Variants in ANKHD1 observed in about 807,000 individuals in gnomAD.
ANKHD1 encodes ankyrin repeat and KH domain-containing protein 1.
Under a neutral mutation model 230.5 loss-of-function variants are expected in ANKHD1, and 31 were observed. The observed-to-expected ratio is 0.13, with a 90% CI of 0.10 to 0.18. The LOEUF is 0.18. ANKHD1 is among the 10% of genes least tolerant of loss of function. The probability of loss-of-function intolerance (pLI) is 1.00; values close to 1 mark genes in which losing one functional copy is unlikely to be tolerated. For missense variants in ANKHD1, 2,256 were observed against 3,071.3 expected (o/e 0.73, Z 6.27); for synonymous variants, 1,074 against 1,117.6 (o/e 0.96, Z 0.78).
chr5:140,475,126 A>G (rs753480790), intron 10 of ANKHD1, among the ~76,000 whole-genome samples: 8 of 152,198 alleles, frequency 5.3e-5, no homozygotes, highest in Non-Finnish European at 1.0e-4. Context: ...AGTTCTTTTC[A>G]GCTCTCTCCA....
intron 1 of ANKHD1, among the ~76,000 whole-genome samples, chr5:140,428,282 G>A (rs866555801): frequency 3.3e-5 from 5 of 152,364 alleles, no homozygotes; most frequent in Admixed American, 1.3e-4. Flanking sequence ...GGCCAAGGCA[G>A]GCTGCTGGGA....
In ANKHD1 at chr5:140,490,795, C is replaced by G. The variant is rs144287819; in HGVS notation, c.2245+3735C>G. Among the ~76,000 whole-genome samples the G allele has an allele frequency of 8.1e-4, 123 of 151,944 alleles. 2 individuals carry two copies. The East Asian group carries it at 0.019, about 24-fold the overall frequency. ...CTCAAGCCCTCCTGAGGAGTAATTTCCTTTTCTCTGAAATTCTAGAGTACT... is the reference window on the plus strand; with the variant it reads ...CTCAAGCCCTCCTGAGGAGTAATTTGCTTTTCTCTGAAATTCTAGAGTACT... On this transcript the variant is annotated intron_variant, in intron 14 of 33. Transcript: ENST00000360839.
In ANKHD1 at chr5:140,445,805, A is replaced by G. The variant is rs1774238325; in HGVS notation, c.977A>G (p.Asn326Ser). Reference sequence around the variant, plus strand: ...GTTGACATTGTTAAAGTGCTCCTTAATGAAGGTGCAAATATAGAAGATCAT... The same window carrying G: ...GTTGACATTGTTAAAGTGCTCCTTAGTGAAGGTGCAAATATAGAAGATCAT... The part of the protein sequence containing the change: ...GFVDIVKVLL[N>S]EGANIEDHNE... The change falls in exon 6 of 34, where the codon AAT becomes AGT. Residue 326 changes from asparagine to serine, a missense_variant. This residue lies in a region of ANKHD1 where 206 missense variants were observed against 304.5 expected (regional missense o/e 0.68). Transcript: ENST00000360839. The G allele has an allele frequency of 6.2e-6, 10 of 1,613,334 alleles. No homozygotes were observed. The East Asian group carries it at 1.8e-4, about 29-fold the overall frequency.
chr5:140,503,461 G>A (rs1752390863), intron 15 of ANKHD1, among the ~76,000 whole-genome samples: 1 of 145,442 alleles, frequency 6.9e-6, no homozygotes, highest in African/African-American at 2.6e-5. Flanking sequence ...GATAGGTCCT[G>A]TTTCCCCCCG....
At chr5:140,472,686 T>G (rs1206085089) in intron 10 of ANKHD1, among the ~76,000 whole-genome samples, 2 of 152,014 alleles carry the variant, frequency 1.3e-5, no homozygotes, top group Non-Finnish European at 2.9e-5. Context: ...TATATTGGAT[T>G]GTTTTAAAAA....
intron 10 of ANKHD1, among the ~76,000 whole-genome samples, chr5:140,471,268 A>T (rs140701297): frequency 4.6e-5 from 7 of 152,300 alleles, no homozygotes; most frequent in South Asian, 2.1e-4. Context: ...TTAAGTAAAG[A>T]TTCCCTGTTC....
chr5:140,449,667 A>G (rs1158584948), intron 7 of ANKHD1, among the ~76,000 whole-genome samples: 1 of 152,156 alleles, frequency 6.6e-6, no homozygotes, highest in East Asian at 1.9e-4. Context: ...GTCTCAAAAA[A>G]AAAAAAAAAA....
intron 29 of ANKHD1, among the ~76,000 whole-genome samples, chr5:140,530,651 G>A (rs939875457): frequency 6.6e-6 from 1 of 152,230 alleles, no homozygotes; most frequent in African/African-American, 2.4e-5. Flanking sequence ...ACAGATCTGA[G>A]GTCAGTTTTG....
Position 140,505,848 on chromosome 5 carries a change from A to T in ANKHD1, c.3387A>T (p.Ala1129=). ...ERTKDTPLSL[A]CSGGRQEVVD... is the part of the protein sequence containing the mutation. ...CTAAGGATACTCCGCTTTCATTGGC[A>T]TGTTCTGGTGGACGTCAGGAGGTGT... The change falls in exon 18 of 34, where the codon GCA becomes GCT. Residue 1129 remains alanine (A), a synonymous_variant. Coordinates refer to ENST00000360839, the MANE Select transcript of ANKHD1 (RefSeq NM_017747.3). 6.3e-7 allele frequency: 1 copy of T among 1,598,662 alleles called. No individual in the cohort carries two copies. The highest frequency in any genetic ancestry group is 8.5e-7 in the Non-Finnish European group (1 of 1,175,372).
chr5:140,528,832 G>T lies in ANKHD1; in HGVS notation c.5886G>T (p.Leu1962Phe), dbSNP rs767708195. The T allele has an allele frequency of 1.6e-5, 26 of 1,614,024 alleles. No homozygotes were observed. The African/African-American group carries it at 3.1e-4, about 19-fold the overall frequency. The part of the protein sequence containing the change: ...TRTPSSVRKQ[L>F]FACVPKTSPP... ...CTCCTTCATCAGTCAGAAAGCAGTT[G>T]TTTGCCTGTGTGCCTAAGACAAGTC... The change falls in exon 29 of 34, where the codon TTG becomes TTT. Residue 1962 changes from leucine to phenylalanine, a missense_variant. Physicochemically the swap from Leu to Phe is conservative, Grantham distance 22 (BLOSUM62 0). Around this residue, in one of 13 missense-constraint regions of ANKHD1, gnomAD observed 778 missense variants for 966.5 expected, o/e 0.80. Coordinates refer to ENST00000360839, the MANE Select transcript of ANKHD1 (RefSeq NM_017747.3).
chr5:140,538,722 C>G (rs1215118974), intron 32 of ANKHD1, among the ~76,000 whole-genome samples, 197 bp from the exon 33 acceptor site: 4 of 152,136 alleles, frequency 2.6e-5, no homozygotes, highest in Non-Finnish European at 5.9e-5. Flanking sequence ...CTTTCTCTCT[C>G]TTGTTTTTTG....
At position 140,528,604 on chromosome 5, in the gene ANKHD1, C is replaced by T; in HGVS notation, c.5658C>T (p.Asn1886=). Residue 1886 remains asparagine, a synonymous_variant, in exon 29 of 34, where the codon AAC becomes AAT. Coordinates refer to ENST00000360839, the MANE Select transcript of ANKHD1 (RefSeq NM_017747.3). ...GAGGAACCTTCTCACCTTCTCCTAACACATGGGGACCATTCCCAGTGAGAC... is the reference window on the plus strand; with the variant it reads ...GAGGAACCTTCTCACCTTCTCCTAATACATGGGGACCATTCCCAGTGAGAC... ...QFGGTFSPSP[N]TWGPFPVRPV... is the part of the protein sequence containing the mutation. 1 of 1,614,194 alleles carries T rather than the reference C, an allele frequency of 6.2e-7. No homozygotes were observed. The highest frequency in any genetic ancestry group is 1.1e-5 in the South Asian group (1 of 91,080).
chr5:140,538,025 G>T (rs1192154957), intron 31 of ANKHD1, 61 bp from the exon 32 acceptor site: 3 of 1,547,216 alleles, frequency 1.9e-6, no homozygotes, highest in Non-Finnish European at 1.7e-6. Flanking sequence ...AATAACAATG[G>T]TAATGTTTTG....
chr5:140,513,347 C>A lies in ANKHD1; in HGVS notation c.4201-16C>A. ...TCTTTCATTATATATTTACATAATTCTATTTCCTGCTGTAGGAACTGTTGA... is the reference window on the plus strand; with the variant it reads ...TCTTTCATTATATATTTACATAATTATATTTCCTGCTGTAGGAACTGTTGA... On this transcript the variant is annotated splice_polypyrimidine_tract_variant and intron_variant, in intron 23 of 33. Transcript: ENST00000360839. 6.3e-7 allele frequency: 1 copy of A among 1,597,262 alleles called. No individual in the cohort carries two copies. Among genetic ancestry groups the A allele is most frequent in the South Asian group, 1.1e-5 (1 of 87,622 alleles).
At chr5:140,473,723 C>T (rs1242181769) in intron 10 of ANKHD1, among the ~76,000 whole-genome samples, 2 of 152,184 alleles carry the variant, frequency 1.3e-5, no homozygotes, top group African/African-American at 4.8e-5. Flanking sequence ...ATGTGAGCTT[C>T]TACTCAGTTT....
rs1050423958 is a variant in ANKHD1 at position 140,468,454 on chromosome 5, A to G, written c.1782+3678A>G. ...AACTAGGTAATTTAGACATGGGTAC[A>G]TTAGTACTCTGTAGTTCTTCTTCCT... On this transcript the variant is annotated intron_variant, in intron 10 of 33. Transcript: ENST00000360839. Among the ~76,000 whole-genome samples the G allele has an allele frequency of 1.3e-5, 2 of 152,116 alleles. 1 individual carries two copies. The highest frequency in any genetic ancestry group is 2.9e-5 in the Non-Finnish European group (2 of 68,022).
chr5:140,509,573 T>C (rs1293555449), intron 20 of ANKHD1, 64 bp from the exon 21 acceptor site: 1 of 1,428,348 alleles, frequency 7.0e-7, no homozygotes, highest in Non-Finnish European at 9.2e-7. Flanking sequence ...TAGCTTAGTT[T>C]TGGTCTACGG....
intron 10 of ANKHD1, among the ~76,000 whole-genome samples, chr5:140,475,315 G>A (rs1171409670): frequency 6.6e-6 from 1 of 152,130 alleles, no homozygotes; most frequent in Non-Finnish European, 1.5e-5. Context: ...GGAGAATTAA[G>A]GGCTAAAAAA....
At chr5:140,418,409 A>C (rs1771584984) in intron 1 of ANKHD1, among the ~76,000 whole-genome samples, 1 of 152,050 alleles carries the variant, frequency 6.6e-6, no homozygotes, top group African/African-American at 2.4e-5. Flanking sequence ...TGGCCTCCCA[A>C]AGTGTTGGGA....
Sources: allele counts gnomAD v4.1 joint callset (sites outside exome capture counted in the v4.1 genomes callset), GRCh38; gene constraint gnomAD v4.1.1; regional missense constraint gnomAD v4.1.1; transcripts MANE v1.5; gene names NCBI Gene and HGNC (gene_info 2026-07-23, HGNC 2026-07-21).